BLOC1S6: variants seen among roughly 807,000 people sequenced by gnomAD.
BLOC1S6 encodes biogenesis of lysosomal organelles complex 1 subunit 6, also known as biogenesis of lysosome-related organelles complex 1 subunit 6.
A neutral mutation model predicts 24.7 loss-of-function variants in BLOC1S6; 24 were observed. The observed-to-expected ratio is 0.97, with a 90% CI of 0.70 to 1.37. The LOEUF (loss-of-function observed/expected upper bound fraction) is 1.37. BLOC1S6 is among the 40% of genes most tolerant of loss of function. The pLI, the probability that BLOC1S6 is intolerant of heterozygous loss-of-function variation, is 0.00. For synonymous variants in BLOC1S6, 76 were observed against 72.6 expected (o/e 1.05, Z -0.23); for missense variants, 175 against 196.2 (o/e 0.89, Z 0.64).
chr15:45,602,584 A>G (rs1199189512), intron 2 of BLOC1S6, among the ~76,000 whole-genome samples: 1 of 152,244 alleles, frequency 6.6e-6, no homozygotes, highest in Non-Finnish European at 1.5e-5. Flanking sequence ...AAGATCATAT[A>G]GCTAACTGGC....
intron 1 of BLOC1S6, 126 bp from the exon 2 acceptor site, chr15:45,592,009 A>T: frequency 8.9e-7 from 1 of 1,121,788 alleles, no homozygotes; most frequent in Non-Finnish European, 1.3e-6. Context: ...AGTGGTGTTT[A>T]CAACTAATTG....
intron 2 of BLOC1S6, among the ~76,000 whole-genome samples, chr15:45,601,716 A>AT (rs1206639182): frequency 3.3e-5 from 5 of 151,284 alleles, no homozygotes; most frequent in Admixed American, 2.0e-4. Flanking sequence ...TGTCTCATTG[A>AT]TTTTTTTGTT....
At chr15:45,594,741 G>A (rs762682814) in intron 2 of BLOC1S6, among the ~76,000 whole-genome samples, 6 of 151,844 alleles carry the variant, frequency 4.0e-5, no homozygotes, top group Non-Finnish European at 8.8e-5. Flanking sequence ...GCACCACTCC[G>A]CCCAGCTAAT....
intron 4 of BLOC1S6, chr15:45,605,740 C>T (rs979780758): frequency 3.0e-5 from 13 of 433,152 alleles, no homozygotes; most frequent in Non-Finnish European, 5.5e-5. Flanking sequence ...CAGGTGCCCG[C>T]CACCACACCC....
At position 45,587,409 on chromosome 15, in the gene BLOC1S6, G is replaced by A. The variant is rs537814293; in HGVS notation, c.-35G>A. On this transcript the variant is annotated 5_prime_UTR_variant, in exon 1 of 5. Transcript: ENST00000220531. ...CCGCCTTGCTTCTGACGAGCCACAC[G>A]TTTGCTTCTTCCCTGTGTTCCCAGC... 3.4e-5 allele frequency: 52 copies of A among 1,545,808 alleles called. No individual in the cohort carries two copies. The highest frequency in any genetic ancestry group is 4.4e-5 in the Non-Finnish European group (50 of 1,139,790).
At chr15:45,604,186 T>C (rs1187950426) in intron 3 of BLOC1S6, among the ~76,000 whole-genome samples, 1 of 152,142 alleles carries the variant, frequency 6.6e-6, no homozygotes, top group African/African-American at 2.4e-5. Context: ...CTGGCCAACG[T>C]AGCAAGACCC....
At chr15:45,596,447 C>T (rs184751121) in intron 2 of BLOC1S6, among the ~76,000 whole-genome samples, 8 of 152,218 alleles carry the variant, frequency 5.3e-5, no homozygotes, top group South Asian at 2.1e-4. Context: ...ATCCTCCTGC[C>T]TTGGCCTCCC....
In BLOC1S6 at chr15:45,606,446, G is replaced by T; in HGVS notation, c.451G>T (p.Glu151Ter). ...QKRQKEELER[E>*]QQREKEFERE... is the part of the protein sequence containing the mutation. ...GAGGCAAAAAGAAGAGTTGGAAAGG[G>T]AGCAGCAACGAGAGAAGGAGTTTGA... is the stretch of plus-strand genomic sequence containing the variant. Residue 151 changes from glutamate (E) to a stop codon, truncating the protein, a stop_gained, in exon 5 of 5, where the codon GAG (glutamate) becomes TAG (stop). Transcript: ENST00000220531. LOFTEE classifies it high-confidence loss of function. 1 of 1,614,074 alleles carries T rather than the reference G, an allele frequency of 6.2e-7. No homozygotes were observed. The highest frequency in any genetic ancestry group is 1.1e-5 in the South Asian group (1 of 91,082).
At chr15:45,597,952 A>G (rs926455664) in intron 2 of BLOC1S6, 5 of 344,246 alleles carry the variant, frequency 1.5e-5, no homozygotes, top group Middle Eastern at 1.4e-3. Context: ...AATACTGGCA[A>G]ACCGAATCCA....
At chr15:45,603,319 T>G in intron 3 of BLOC1S6, 132 bp downstream of exon 3, 1 of 611,572 alleles carries the variant, frequency 1.6e-6, no homozygotes, top group Non-Finnish European at 2.9e-6. Context: ...GAACTTCTGT[T>G]GTGTTGAATT....
intron 2 of BLOC1S6, among the ~76,000 whole-genome samples, chr15:45,600,124 T>C (rs1894217812): frequency 7.6e-6 from 1 of 131,516 alleles, no homozygotes; most frequent in Non-Finnish European, 1.6e-5. Context: ...AGGTGGGAAT[T>C]GAACAATGAG....
intron 2 of BLOC1S6, among the ~76,000 whole-genome samples, chr15:45,602,688 T>A (rs1480973324): frequency 1.3e-5 from 2 of 152,228 alleles, no homozygotes; most frequent in Non-Finnish European, 2.9e-5. Flanking sequence ...TGATACTTCA[T>A]CTTCCTCACC....
chr15:45,603,118 G>C lies in BLOC1S6; in HGVS notation c.243G>C (p.Leu81Phe). The stretch of plus-strand genomic sequence containing the variant: ...GTTTCAGACAGAACCAAGTTGTATT[G>C]TTAGACACACTGGAACAAGAGATTT... ...LQELTQNQVV[L>F]LDTLEQEISK... is the part of the protein sequence containing the mutation. The change falls in exon 3 of 5, where the codon TTG (leucine) becomes TTC (phenylalanine). Residue 81 changes from leucine to phenylalanine, a missense_variant. Leu to Phe is a conservative substitution (Grantham distance 22). Coordinates refer to ENST00000220531, the MANE Select transcript of BLOC1S6 (RefSeq NM_012388.4). 1 of 1,611,176 alleles carries C rather than the reference G, an allele frequency of 6.2e-7. No individual in the cohort carries two copies. Among genetic ancestry groups the C allele is most frequent in the Non-Finnish European group, 8.5e-7 (1 of 1,177,804 alleles).
rs1487793585 is a variant in BLOC1S6, at chr15:45,609,191, T to A, written c.*2677T>A. 6.6e-6 allele frequency: 1 copy of A among 152,166 alleles called. No individual in the cohort carries two copies. Among genetic ancestry groups the A allele is most frequent in the African/African-American group, 2.4e-5 (1 of 41,442 alleles). 9.4% of individuals were successfully genotyped at this position (152,166 alleles called of 1,614,324 possible). A position where few individuals can be genotyped will look rare whatever the true frequency, so the allele number is the denominator to read the frequency against. On this transcript the variant is annotated 3_prime_UTR_variant, in exon 5 of 5. Coordinates refer to ENST00000220531, the MANE Select transcript of BLOC1S6 (RefSeq NM_012388.4). ...ACATACCTTACTAGACTGTGATGGCTCACACCTGTAATCCCAGTGCTTTGG... is the reference window on the plus strand; with the variant it reads ...ACATACCTTACTAGACTGTGATGGCACACACCTGTAATCCCAGTGCTTTGG...
chr15:45,599,907 A>G (rs991201995), intron 2 of BLOC1S6, among the ~76,000 whole-genome samples: 16 of 146,246 alleles, frequency 1.1e-4, no homozygotes, highest in Admixed American at 3.4e-4. Flanking sequence ...CATTATTCAC[A>G]ATAGCAAAGA....
At chr15:45,603,047 G>A in intron 2 of BLOC1S6, 53 bp from the exon 3 acceptor site, 1 of 1,206,552 alleles carries the variant, frequency 8.3e-7, no homozygotes, top group Non-Finnish European at 1.2e-6. Flanking sequence ...CCTTTTAATG[G>A]ACCGGCACTT....
At chr15:45,592,375 T>A in intron 2 of BLOC1S6, 99 bp downstream of exon 2, 1 of 1,402,666 alleles carries the variant, frequency 7.1e-7, no homozygotes, top group Non-Finnish European at 9.9e-7. Flanking sequence ...TTTTTTAACA[T>A]GCAATTATAA....
Position 45,606,480 on chromosome 15 carries a change from A to G in BLOC1S6, c.485A>G (p.Lys162Arg). The G allele has an allele frequency of 6.2e-7, 1 of 1,614,154 alleles. No individual in the cohort carries two copies. Among genetic ancestry groups the G allele is most frequent in the Non-Finnish European group, 8.5e-7 (1 of 1,180,032 alleles). ...CGAGAGAAGGAGTTTGAAAGAGAAAAGCAGTTAACTGCCAGACCAGCCAAA... is the reference window on the plus strand; with the variant it reads ...CGAGAGAAGGAGTTTGAAAGAGAAAGGCAGTTAACTGCCAGACCAGCCAAA... ...QQREKEFERE[K>R]QLTARPAKRM Residue 162 changes from lysine (K) to arginine (R), a missense_variant, in exon 5 of 5, where the codon AAG becomes AGG. Transcript: ENST00000220531.
intron 2 of BLOC1S6, among the ~76,000 whole-genome samples, chr15:45,593,189 T>A (rs2140905705): frequency 6.7e-6 from 1 of 149,702 alleles, no homozygotes; most frequent in South Asian, 2.1e-4. Context: ...AGGTCGGGAG[T>A]TTTAGACCAC....
Sources: gnomAD v4.1 joint callset for allele counts (sites outside exome capture counted in the v4.1 genomes callset) on GRCh38, gnomAD v4.1.1 for gene constraint, MANE v1.5 for transcripts, NCBI Gene and HGNC (gene_info 2026-07-23, HGNC 2026-07-21) for gene names.